RCOR1: variants seen among roughly 807,000 people sequenced by gnomAD.
RCOR1 encodes the protein REST corepressor 1.
In RCOR1, 12 loss-of-function variants were observed where a neutral mutation model predicts 64.0. The ratio of observed to expected loss-of-function variants is 0.19; its 90% CI spans 0.12 to 0.30. The LOEUF is 0.30. RCOR1 is among the 10% of genes least tolerant of loss of function. RCOR1 has a pLI of 1.00. For missense variants in RCOR1, 502 were observed against 621.2 expected (o/e 0.81, Z 2.04); for synonymous variants, 279 against 227.2 (o/e 1.23, Z -2.05).
chr14:102,677,213 C>T (rs1377651898), intron 2 of RCOR1, among the ~76,000 whole-genome samples: 1 of 130,186 alleles, frequency 7.7e-6, no homozygotes, highest in Non-Finnish European at 1.7e-5. Flanking sequence ...AGGGGGCTGA[C>T]CCCCCCTCCC....
chr14:102,695,914 T>C (rs1316700852), intron 3 of RCOR1, among the ~76,000 whole-genome samples: 3 of 152,170 alleles, frequency 2.0e-5, no homozygotes, highest in Admixed American at 1.3e-4. Context: ...GCCAGACTAC[T>C]TCTGTGAGCC....
rs1896279022 is a variant in RCOR1, at chr14:102,726,980, A to G, written c.*474A>G. The G allele has an allele frequency of 6.3e-6, 1 of 158,382 alleles. No homozygotes were observed. Among genetic ancestry groups the G allele is most frequent in the Non-Finnish European group, 1.4e-5 (1 of 72,440 alleles). 9.8% of individuals were successfully genotyped at this position (158,382 alleles called of 1,614,324 possible). On this transcript the variant is annotated 3_prime_UTR_variant, in exon 12 of 12. Transcript: ENST00000262241. ...AGTTTCTTTTGTTCTTTTCTGAGACAACCACCTAAGTGATAATACGCTTTT... is the reference window on the plus strand; with the variant it reads ...AGTTTCTTTTGTTCTTTTCTGAGACGACCACCTAAGTGATAATACGCTTTT...
At chr14:102,676,616 G>A in intron 2 of RCOR1, among the ~76,000 whole-genome samples, 1 of 89,818 alleles carries the variant, frequency 1.1e-5, no homozygotes, top group South Asian at 4.1e-4. Flanking sequence ...GGACGGGGCG[G>A]CTGGCCAGGT....
At chr14:102,710,713 T>C in intron 6 of RCOR1, 1 of 507,652 alleles carries the variant, frequency 2.0e-6, no homozygotes, top group Non-Finnish European at 3.5e-6. Flanking sequence ...TTTTAGTAGT[T>C]TCTCATCACT....
chr14:102,592,856 CG>C lies in RCOR1; in HGVS notation c.-30del, dbSNP rs1893155506. 8.5e-7 allele frequency: 1 copy of C among 1,182,122 alleles called. No individual in the cohort carries two copies. Among genetic ancestry groups the C allele is most frequent in the East Asian group, 3.9e-5 (1 of 25,608 alleles). 73.2% of individuals were successfully genotyped at this position (1,182,122 alleles called of 1,614,324 possible). On this transcript the variant is annotated 5_prime_UTR_variant, in exon 1 of 12. Coordinates refer to ENST00000262241, the MANE Select transcript of RCOR1 (RefSeq NM_015156.4). ...CCCCTCCTCAGGAGCCGCGGGTCCC[CG>C]CCACTTTCGCACGGCCCCGGCCCCC...
chr14:102,613,327 C>A lies in RCOR1; in HGVS notation c.361+20002C>A, dbSNP rs532891489. ...GTGTTGGCCTGGCTGGTATCAAACT[C>A]ATGACCTCAGGTGGTCCGCCATTCT... is the stretch of plus-strand genomic sequence containing the variant. On this transcript the variant is annotated intron_variant, in intron 2 of 11. Transcript: ENST00000262241. Among the ~76,000 whole-genome samples the A allele has an allele frequency of 3.3e-5, 5 of 151,898 alleles. No individual in the cohort carries two copies. The South Asian group carries it at 1.0e-3, about 32-fold the overall frequency.
At chr14:102,701,161 G>T in intron 3 of RCOR1, 117 bp from the exon 4 acceptor site, 1 of 839,534 alleles carries the variant, frequency 1.2e-6, no homozygotes. Context: ...GATTTGGGTG[G>T]GGACACAGCC....
At chr14:102,652,366 T>G (rs549934863) in intron 2 of RCOR1, among the ~76,000 whole-genome samples, 1 of 152,342 alleles carries the variant, frequency 6.6e-6, no homozygotes, top group Non-Finnish European at 1.5e-5. Flanking sequence ...AGTGAACACC[T>G]TAAGTCTTCA....
intron 2 of RCOR1, among the ~76,000 whole-genome samples, chr14:102,681,663 A>G (rs1252950256): frequency 6.6e-6 from 1 of 152,212 alleles, no homozygotes; most frequent in African/African-American, 2.4e-5. Context: ...TCATGCCTAA[A>G]AGCAGAGCAG....
At chr14:102,600,658 C>T (rs1893373905) in intron 2 of RCOR1, among the ~76,000 whole-genome samples, 1 of 150,772 alleles carries the variant, frequency 6.6e-6, no homozygotes, top group Admixed American at 6.6e-5. Context: ...GCAAGTTCCG[C>T]CTCCTGGGTT....
At chr14:102,595,395 G>T (rs1407294605) in intron 2 of RCOR1, among the ~76,000 whole-genome samples, 1 of 152,050 alleles carries the variant, frequency 6.6e-6, no homozygotes, top group South Asian at 2.1e-4. Flanking sequence ...TCAGCTACGG[G>T]GGGGTCTGAG....
At chr14:102,664,868 T>C (rs939728288) in intron 2 of RCOR1, among the ~76,000 whole-genome samples, 1 of 152,228 alleles carries the variant, frequency 6.6e-6, no homozygotes, top group African/African-American at 2.4e-5. Context: ...CAGGCAGTTC[T>C]TAAGCATTCG....
At chr14:102,701,786 T>G (rs1271374944) in intron 4 of RCOR1, among the ~76,000 whole-genome samples, 1 of 152,226 alleles carries the variant, frequency 6.6e-6, no homozygotes, top group Non-Finnish European at 1.5e-5. Flanking sequence ...GTGGCGCATC[T>G]CAGCTCATTG....
At position 102,722,256 on chromosome 14, in the gene RCOR1, T is replaced by C. The variant is rs761497401; in HGVS notation, c.1259T>C (p.Val420Ala). Residue 420 changes from valine (V) to alanine (A), a missense_variant, in exon 11 of 12, where the codon GTG becomes GCG. Transcript: ENST00000262241. ...ATTGGGAACAAATCAGTGGTACAAG[T>C]GAAAAACTTTTTTGTAAATTATCGA... ...DVIGNKSVVQVKNFFVNYRRR... is the reference protein window; with the variant it reads ...DVIGNKSVVQAKNFFVNYRRR... The C allele has an allele frequency of 6.2e-7, 1 of 1,614,072 alleles. No individual in the cohort carries two copies. The highest frequency in any genetic ancestry group is 8.5e-7 in the Non-Finnish European group (1 of 1,180,038).
intron 3 of RCOR1, among the ~76,000 whole-genome samples, chr14:102,692,440 A>AACACTCACAC (rs1895552889): frequency 6.8e-6 from 1 of 146,244 alleles, no homozygotes. Context: ...GGAAAAAGTT[A>AACACTCACAC]ACACACACAC....
At chr14:102,639,534 TTTA>T in intron 2 of RCOR1, among the ~76,000 whole-genome samples, 1 of 143,702 alleles carries the variant, frequency 7.0e-6, no homozygotes. Flanking sequence ...TATTTATTTA[TTTA>T]TTTATTTATT....
At chr14:102,649,599 C>T (rs543923528) in intron 2 of RCOR1, 1 of 157,176 alleles carries the variant, frequency 6.4e-6, no homozygotes, top group East Asian at 1.9e-4. Context: ...GCAGCGTTTT[C>T]TAGCGGTGGT....
At chr14:102,657,175 T>G in intron 2 of RCOR1, 2 of 985,254 alleles carry the variant, frequency 2.0e-6, no homozygotes, top group Non-Finnish European at 2.4e-6. Flanking sequence ...GTGAAAAATA[T>G]TTTTGAGGAT....
intron 8 of RCOR1, among the ~76,000 whole-genome samples, chr14:102,719,462 A>G (rs1026986810): frequency 3.3e-5 from 5 of 151,602 alleles, no homozygotes; most frequent in Non-Finnish European, 7.4e-5. Context: ...AAGTGTTCTC[A>G]TTGTTCAATT....
Sources: gnomAD v4.1 joint callset for allele counts (sites outside exome capture counted in the v4.1 genomes callset) on GRCh38, gnomAD v4.1.1 for gene constraint, MANE v1.5 for transcripts, NCBI Gene and HGNC (gene_info 2026-07-23, HGNC 2026-07-21) for gene names.